C6orf62: variants seen among roughly 807,000 people sequenced by gnomAD.
C6orf62 encodes uncharacterized protein C6orf62.
A neutral mutation model predicts 26.8 loss-of-function variants in C6orf62; 16 were observed. The observed-to-expected ratio is 0.60, with a 90% CI of 0.40 to 0.91. The LOEUF (loss-of-function observed/expected upper bound fraction) is 0.91, where lower values mean the gene tolerates loss of function less well. Among genes scored for constraint, C6orf62 ranks in the 40% least tolerant of loss-of-function variants. The probability of loss-of-function intolerance (pLI) is 0.00; values close to 1 mark genes in which losing one functional copy is unlikely to be tolerated. For synonymous variants in C6orf62, 112 were observed against 91.5 expected, an observed-to-expected ratio of 1.22 and a Z score of -1.28; for missense variants, 192 against 271.4, an observed-to-expected ratio of 0.71 and a Z score of 2.06.
intron 4 of C6orf62, 44 bp from the exon 5 acceptor site, chr6:24,706,306 T>G: frequency 6.2e-7 from 1 of 1,606,062 alleles, no homozygotes; most frequent in Non-Finnish European, 8.5e-7. Context: ...AATAAGACTT[T>G]AGCGTAACTG....
rs752209834 is a variant in C6orf62, at chr6:24,706,213, T to C, written c.614A>G (p.Tyr205Cys). 2.0e-5 allele frequency: 32 copies of C among 1,611,102 alleles called. No homozygotes were observed. The Admixed American group carries it at 2.2e-4, about 11-fold the overall frequency. ...GTGGGTGAGCTGTTCCTGTGGCAGGTAGAGGCAGATGCTGCATAACTTGAA... is the reference window on the plus strand; with the variant it reads ...GTGGGTGAGCTGTTCCTGTGGCAGGCAGAGGCAGATGCTGCATAACTTGAA... ...TIFKLCSICLYLPQEQLTHWA... is the reference protein window; with the variant it reads ...TIFKLCSICLCLPQEQLTHWA... Residue 205 changes from tyrosine (Y) to cysteine (C), a missense_variant, in exon 5 of 5, where the codon TAC (tyrosine) becomes TGC (cysteine). Physicochemically the swap from Tyr to Cys is radical, Grantham distance 194. Transcript: ENST00000378119.
intron 1 of C6orf62, among the ~76,000 whole-genome samples, chr6:24,717,882 T>TA (rs1779265282): frequency 6.6e-6 from 1 of 152,190 alleles, no homozygotes; most frequent in African/African-American, 2.4e-5. Context: ...ACTCACAACT[T>TA]ACTGTTTGCT....
intron 4 of C6orf62, among the ~76,000 whole-genome samples, chr6:24,707,658 CTTATT>C (rs1779035434): frequency 1.3e-5 from 2 of 152,000 alleles, no homozygotes; most frequent in Non-Finnish European, 2.9e-5. Context: ...AATGGAAGTG[CTTATT>C]TGAAATAAAT....
At chr6:24,719,868 CG>C (rs1779319156), upstream of C6orf62, 1 of 1,549,862 alleles carries the variant, frequency 6.5e-7, no homozygotes, top group South Asian at 1.2e-5. Flanking sequence ...ACTCGCACCA[CG>C]GGAGACACAG....
rs114410260 is a variant in C6orf62 at position 24,719,096 on chromosome 6, C to G, written c.-428G>C. 7 of 988,376 alleles carry G rather than the reference C, an allele frequency of 7.1e-6. No individual in the cohort carries two copies. The highest frequency in any genetic ancestry group is 1.8e-5 in the African/African-American group (1 of 56,542). 61.2% of individuals were successfully genotyped at this position (988,376 alleles called of 1,614,324 possible). ...AATCCCTAAAATCCATCCGGATTTT[C>G]CCCCCTTTTTAGAAAAGGGATTAAG... On this transcript the variant is annotated 5_prime_UTR_variant, in exon 1 of 5. Coordinates refer to ENST00000378119, the MANE Select transcript of C6orf62 (RefSeq NM_030939.5).
chr6:24,715,925 T>C (rs886324651), intron 2 of C6orf62, among the ~76,000 whole-genome samples: 3 of 149,666 alleles, frequency 2.0e-5, no homozygotes, highest in Non-Finnish European at 4.4e-5. Context: ...ATATACTTCA[T>C]CCACATAAGA....
chr6:24,720,333 C>T, upstream of C6orf62: 1 of 1,266,696 alleles, frequency 7.9e-7, no homozygotes, highest in Non-Finnish European at 9.9e-7. Context: ...GGAGCCATGT[C>T]AAGAGAAAAC....
upstream of C6orf62, chr6:24,720,158 G>A (rs908589399): frequency 7.0e-5 from 95 of 1,363,792 alleles, no homozygotes; most frequent in South Asian, 5.9e-4. Context: ...AGGCAGCTAG[G>A]GCGGGGTGGG....
At chr6:24,710,056 T>C in intron 3 of C6orf62, 3 of 983,676 alleles carry the variant, frequency 3.0e-6, no homozygotes, top group Non-Finnish European at 3.6e-6. Flanking sequence ...TGATACTGAA[T>C]TGTACTTCCA....
At chr6:24,719,270 T>C (rs1054275050), upstream of C6orf62, 3 of 988,886 alleles carry the variant, frequency 3.0e-6, no homozygotes, top group South Asian at 1.4e-4. Context: ...GCTCCATGGC[T>C]GTAGTACCTA....
At chr6:24,720,324 G>A (rs1028387361), upstream of C6orf62, 145 of 1,285,070 alleles carry the variant, frequency 1.1e-4, no homozygotes, top group Admixed American at 3.5e-4. Flanking sequence ...GCACGGGCAG[G>A]AGCCATGTCA....
chr6:24,709,393 A>G (rs1022587959), intron 3 of C6orf62: 1 of 984,186 alleles, frequency 1.0e-6, no homozygotes, highest in African/African-American at 1.8e-5. Flanking sequence ...TAGGAGTCAC[A>G]TTGTTAATTG....
intron 2 of C6orf62, 77 bp downstream of exon 2, chr6:24,716,070 AG>A: frequency 9.1e-7 from 1 of 1,093,194 alleles, no homozygotes; most frequent in South Asian, 1.4e-5. Flanking sequence ...ATCCACTTTA[AG>A]GGGGGTTCGG....
intron 3 of C6orf62, among the ~76,000 whole-genome samples, chr6:24,713,495 A>C (rs17491647): frequency 0.13 from 20,022 of 152,224 alleles, 1,637 homozygotes; most frequent in Non-Finnish European, 0.18. Context: ...TAAATGACAA[A>C]TAATCCTCAC....
intron 1 of C6orf62, among the ~76,000 whole-genome samples, chr6:24,716,668 G>C (rs1779236284): frequency 6.6e-6 from 1 of 151,602 alleles, no homozygotes; most frequent in African/African-American, 2.4e-5. Context: ...CCTTATATGG[G>C]CCAATTTCCA....
Position 24,712,189 on chromosome 6 carries a change from G to C in C6orf62, c.429+2129C>G, listed in dbSNP as rs186709795. Among the ~76,000 whole-genome samples, 17 of 151,990 alleles carry C rather than the reference G, an allele frequency of 1.1e-4. No individual in the cohort carries two copies. The East Asian group carries it at 3.3e-3, about 29-fold the overall frequency. ...CACTTGAGGTCAAGGACACCACCCT[G>C]GCCAACATAGCAAAACTCCGTCTCT... On this transcript the variant is annotated intron_variant, in intron 3 of 4. Transcript: ENST00000378119.
upstream of C6orf62, chr6:24,720,512 A>G (rs1581402821): frequency 4.2e-6 from 2 of 471,080 alleles, no homozygotes; most frequent in South Asian, 8.8e-5. Context: ...AGAGAAAAAG[A>G]AAAAGAGGAA....
chr6:24,711,198 A>G (rs1344959347), intron 3 of C6orf62, among the ~76,000 whole-genome samples: 3 of 152,244 alleles, frequency 2.0e-5, no homozygotes, highest in South Asian at 2.1e-4. Flanking sequence ...TAGCATTTCA[A>G]TTCTATCATA....
At chr6:24,718,391 C>T in intron 1 of C6orf62, 149 bp downstream of exon 1, 1 of 718,356 alleles carries the variant, frequency 1.4e-6, no homozygotes, top group Non-Finnish European at 2.2e-6. Context: ...TTCACAGAAT[C>T]ACCCCTAAGG....
Sources: allele counts gnomAD v4.1 joint callset (sites outside exome capture counted in the v4.1 genomes callset), GRCh38; gene constraint gnomAD v4.1.1; transcripts MANE v1.5; gene names NCBI Gene and HGNC (gene_info 2026-07-23, HGNC 2026-07-21).